Variants in TSPAN15 observed in about 807,000 individuals in gnomAD.
The protein encoded by TSPAN15 is tetraspanin-15.
A neutral mutation model predicts 34.5 loss-of-function variants in TSPAN15; 20 were observed. That is an observed-to-expected ratio of 0.58 (90% confidence interval 0.41 to 0.84). The LOEUF is 0.84. Ranked by LOEUF, TSPAN15 falls within the 40% of genes least tolerant of loss-of-function variation. TSPAN15 has a pLI of 0.00. For missense variants in TSPAN15, 313 were observed against 386.1 expected, an observed-to-expected ratio of 0.81 and a Z score of 1.59; for synonymous variants, 155 against 153.9, an observed-to-expected ratio of 1.01 and a Z score of -0.05.
the TSPAN15 span, among the ~76,000 whole-genome samples, chr10:69,540,371 T>C: frequency 1.3e-5 from 2 of 152,134 alleles, no homozygotes; most frequent in Non-Finnish European, 2.9e-5. Context: ...AATGTAGTCT[T>C]TATTTTGGTG....
At chr10:69,457,550 G>GA (rs1277058181) in intron 1 of TSPAN15, among the ~76,000 whole-genome samples, 1 of 152,176 alleles carries the variant, frequency 6.6e-6, no homozygotes, top group Non-Finnish European at 1.5e-5. Flanking sequence ...GGCAAGTAGG[G>GA]AGGAGCTGAG....
chr10:69,459,105 CAA>C (rs1259881929), intron 1 of TSPAN15, among the ~76,000 whole-genome samples: 19 of 57,716 alleles, frequency 3.3e-4, no homozygotes, highest in Non-Finnish European at 6.2e-4. Context: ...ACAAAACAGA[CAA>C]AAAAAAAAAA....
the TSPAN15 span, among the ~76,000 whole-genome samples, chr10:69,538,369 T>C: frequency 3.5e-4 from 54 of 152,320 alleles, no homozygotes; most frequent in African/African-American, 1.3e-3. Flanking sequence ...GCATGAATAA[T>C]GGCACCTCTG....
At chr10:69,469,749 G>A (rs1222143788) in intron 1 of TSPAN15, among the ~76,000 whole-genome samples, 3 of 152,158 alleles carry the variant, frequency 2.0e-5, no homozygotes, top group Non-Finnish European at 4.4e-5. Context: ...TTGCCATGTT[G>A]CCTAGGCTGG....
chr10:69,523,000 A>G, the TSPAN15 span, among the ~76,000 whole-genome samples: 1 of 147,858 alleles, frequency 6.8e-6, no homozygotes, highest in South Asian at 2.1e-4. Flanking sequence ...ACCAAATCCA[A>G]TGTCAGGAAG....
At chr10:69,481,302 C>T (rs1434664853) in intron 1 of TSPAN15, among the ~76,000 whole-genome samples, 3 of 152,168 alleles carry the variant, frequency 2.0e-5, no homozygotes, top group Non-Finnish European at 4.4e-5. Context: ...GAAAGGCATC[C>T]TTCTAGACTG....
chr10:69,452,085 G>A (rs528469973), intron 1 of TSPAN15, among the ~76,000 whole-genome samples: 6 of 152,368 alleles, frequency 3.9e-5, no homozygotes, highest in African/African-American at 1.4e-4. Flanking sequence ...TTGCAGTCGG[G>A]GTTGGGAGAC....
intron 1 of TSPAN15, among the ~76,000 whole-genome samples, chr10:69,468,944 C>T (rs1841446606): frequency 6.6e-6 from 1 of 152,028 alleles, no homozygotes; most frequent in Non-Finnish European, 1.5e-5. Flanking sequence ...TAATAATGAG[C>T]CCGTTTAGTC....
At chr10:69,474,635 G>A (rs181361210) in intron 1 of TSPAN15, among the ~76,000 whole-genome samples, 1 of 152,170 alleles carries the variant, frequency 6.6e-6, no homozygotes, top group East Asian at 1.9e-4. Flanking sequence ...AGGAGGAGGA[G>A]GGGTGACCAG....
the TSPAN15 span, among the ~76,000 whole-genome samples, chr10:69,513,042 A>G: frequency 6.6e-6 from 1 of 152,218 alleles, no homozygotes; most frequent in African/African-American, 2.4e-5. Flanking sequence ...ACAATTTTGT[A>G]TCCCCACCAG....
At chr10:69,459,744 T>G (rs1841202382) in intron 1 of TSPAN15, among the ~76,000 whole-genome samples, 1 of 151,952 alleles carries the variant, frequency 6.6e-6, no homozygotes, top group South Asian at 2.1e-4. Flanking sequence ...GAGACCTAGA[T>G]CAGGTGTTGG....
rs776185384 is a variant in TSPAN15 at position 69,506,150 on chromosome 10, C to T, written c.645C>T (p.Tyr215=). ...GTTTCAGTGTGCAGGATGTCATCTA[C>T]GTGCGGGGCTGCACCAACGCCGTGA... ...KERFSVQDVI[Y]VRGCTNAVII... Residue 215 remains tyrosine (Y), a synonymous_variant, in exon 7 of 8, where the codon TAC becomes TAT. Transcript: ENST00000373290. This position sits in a 1 kb window ranked among gnomAD's most constrained non-coding sequence, Gnocchi z 4.7. 1.9e-5 allele frequency: 31 copies of T among 1,614,110 alleles called. No homozygotes were observed. In the Admixed American group the frequency reaches 2.5e-4, roughly 13 times the overall value.
the TSPAN15 span, among the ~76,000 whole-genome samples, chr10:69,544,511 A>G: frequency 6.6e-6 from 1 of 152,140 alleles, no homozygotes; most frequent in Non-Finnish European, 1.5e-5. Context: ...GCGGTTCAAA[A>G]GCTGCTCCAG....
At chr10:69,531,492 A>G in the TSPAN15 span, among the ~76,000 whole-genome samples, 1 of 152,082 alleles carries the variant, frequency 6.6e-6, no homozygotes, top group Non-Finnish European at 1.5e-5. Flanking sequence ...CCAGCTACTC[A>G]GGAGGCTGAG....
chr10:69,543,920 G>C, the TSPAN15 span, among the ~76,000 whole-genome samples: 1 of 139,274 alleles, frequency 7.2e-6, no homozygotes, highest in Non-Finnish European at 1.5e-5. Context: ...CTCCCACCCA[G>C]ACCAGGAAAG....
At chr10:69,474,484 T>G (rs1426129434) in intron 1 of TSPAN15, among the ~76,000 whole-genome samples, 2 of 152,036 alleles carry the variant, frequency 1.3e-5, no homozygotes, top group Non-Finnish European at 2.9e-5. Flanking sequence ...TGAGCCCATG[T>G]CTCCTTTCAA....
At chr10:69,468,917 G>A (rs2133083100) in intron 1 of TSPAN15, among the ~76,000 whole-genome samples, 1 of 152,292 alleles carries the variant, frequency 6.6e-6, no homozygotes, top group South Asian at 2.1e-4. Flanking sequence ...TTTCCTGATA[G>A]GAATGCTTTT....
At chr10:69,504,294 C>T in intron 5 of TSPAN15, 144 bp from the exon 6 acceptor site, 1 of 630,196 alleles carries the variant, frequency 1.6e-6, no homozygotes, top group Non-Finnish European at 2.7e-6. Flanking sequence ...TCAAGCCAGA[C>T]TGCCTGGGTC....
chr10:69,462,104 C>T (rs565684309), intron 1 of TSPAN15, among the ~76,000 whole-genome samples: 1 of 151,332 alleles, frequency 6.6e-6, no homozygotes, highest in African/African-American at 2.4e-5. Flanking sequence ...CCTCAGCCTC[C>T]TGAGTAGCTA....
Sources: allele counts gnomAD v4.1 joint callset (sites outside exome capture counted in the v4.1 genomes callset), GRCh38; gene constraint gnomAD v4.1.1; non-coding constraint Gnocchi (gnomAD v3.1); transcripts MANE v1.5; gene names NCBI Gene and HGNC (gene_info 2026-07-23, HGNC 2026-07-21).